Variants in TTC34 observed in about 807,000 individuals in gnomAD.
TTC34 encodes the protein tetratricopeptide repeat domain 34, also known as tetratricopeptide repeat protein 34.
In TTC34, 44 loss-of-function variants were observed where a neutral mutation model predicts 40.7. The ratio of observed to expected loss-of-function variants is 1.08; its 90% CI spans 0.85 to 1.39. The LOEUF (loss-of-function observed/expected upper bound fraction) is 1.39, where lower values mean the gene tolerates loss of function less well. Ranked by LOEUF, TTC34 falls within the 40% of genes most tolerant of loss-of-function variation. TTC34 has a pLI of 0.00. For missense variants in TTC34, 884 were observed against 838.0 expected, an observed-to-expected ratio of 1.05 and a Z score of -0.68; for synonymous variants, 422 against 398.6, an observed-to-expected ratio of 1.06 and a Z score of -0.70.
At chr1:2,654,651 ACC>A (rs1639276131) in intron 6 of TTC34, among the ~76,000 whole-genome samples, 65 of 146,862 alleles carry the variant, frequency 4.4e-4, no homozygotes, top group South Asian at 1.1e-3. Flanking sequence ...CAGCACCCAC[ACC>A]CCCAGGTGAG....
At chr1:2,683,917 C>T (rs1440863183) in intron 6 of TTC34, among the ~76,000 whole-genome samples, 1 of 140,810 alleles carries the variant, frequency 7.1e-6, no homozygotes, top group Admixed American at 7.0e-5. Context: ...CCCACACCTC[C>T]AGGTGAGCAT....
chr1:2,789,768 C>T, exon 3 of TTC34: 1 of 594,804 alleles, frequency 1.7e-6, no homozygotes, highest in South Asian at 3.4e-5. Flanking sequence ...CCGCACAGCG[C>T]GCGCACACAG....
At chr1:2,651,439 G>A (rs1342450954) in intron 6 of TTC34, among the ~76,000 whole-genome samples, 1 of 150,188 alleles carries the variant, frequency 6.7e-6, no homozygotes, top group Non-Finnish European at 1.5e-5. Context: ...CCCCACACAC[G>A]CAGGTAAGCA....
rs1181773971 is a variant in TTC34 at position 2,753,459 on chromosome 1, C to T, written c.2226+30150G>A. 3.5e-4 allele frequency among the ~76,000 whole-genome samples: 16 copies of T among 45,404 alleles called. 2 individuals carry two copies. The highest frequency in any genetic ancestry group is 1.4e-3 in the African/African-American group (16 of 11,112). The allele number at this position is 45,404 out of a possible 152,430, so 29.8% of individuals were successfully genotyped here. On this transcript the variant is annotated intron_variant, in intron 6 of 8. Coordinates refer to ENST00000401095, the Ensembl canonical transcript of TTC34. Reference sequence around the variant, plus strand: ...CAGCCTGGAACAGCAGCCTGCACCCCCAGGTGTGCACGTGACAGCTTGGAT... The same window carrying T: ...CAGCCTGGAACAGCAGCCTGCACCCTCAGGTGTGCACGTGACAGCTTGGAT...
intron 4 of TTC34, among the ~76,000 whole-genome samples, chr1:2,787,279 C>A (rs1046889966): frequency 4.6e-5 from 7 of 152,210 alleles, no homozygotes; most frequent in African/African-American, 1.4e-4. Flanking sequence ...TCCATGACAA[C>A]CCATGGGACC....
chr1:2,637,840 ACT>A (rs1192676624), exon 9 of TTC34: 1 of 152,074 alleles, frequency 6.6e-6, no homozygotes, highest in Non-Finnish European at 1.5e-5. Context: ...GCACAGTTTA[ACT>A]CTGAGTTGTG....
intron 6 of TTC34, among the ~76,000 whole-genome samples, chr1:2,687,164 C>A (rs1391097701): frequency 1.1e-3 from 160 of 143,272 alleles, no homozygotes; most frequent in Admixed American, 2.2e-3. Flanking sequence ...AGTACCCACA[C>A]ACACAGGCGA....
intron 6 of TTC34, among the ~76,000 whole-genome samples, chr1:2,780,730 G>C (rs1204068410): frequency 6.6e-6 from 1 of 152,104 alleles, no homozygotes; most frequent in East Asian, 1.9e-4. Context: ...GGTTGTTTTG[G>C]CTGTTTGGGG....
chr1:2,791,940 C>T (rs1386232831), intron 2 of TTC34, among the ~76,000 whole-genome samples: 1 of 149,820 alleles, frequency 6.7e-6, no homozygotes, highest in African/African-American at 2.5e-5. Flanking sequence ...AGTTCACCGA[C>T]CCTTCTACTG....
intron 6 of TTC34, among the ~76,000 whole-genome samples, chr1:2,686,627 T>A (rs539046621): frequency 4.6e-4 from 15 of 32,434 alleles, no homozygotes; most frequent in Admixed American, 2.6e-3. Context: ...TGACAGCATG[T>A]AACAGCACCC....
intron 6 of TTC34, among the ~76,000 whole-genome samples, chr1:2,646,774 C>T (rs539918227): frequency 6.6e-6 from 1 of 152,226 alleles, no homozygotes; most frequent in Non-Finnish European, 1.5e-5. Context: ...TCATTTCTTC[C>T]AGCAGAGAAT....
intron 6 of TTC34, chr1:2,775,050 T>C (rs1452357699): frequency 4.0e-5 from 5 of 125,866 alleles, no homozygotes; most frequent in African/African-American, 1.5e-4. Flanking sequence ...TCTGACCGCA[T>C]GGAATGGCAT....
At chr1:2,759,636 C>A (rs1294865262) in intron 6 of TTC34, among the ~76,000 whole-genome samples, 878 of 123,128 alleles carry the variant, frequency 7.1e-3, no homozygotes, top group Middle Eastern at 0.013. Flanking sequence ...ACAGCACCCA[C>A]ACCCCCAGGT....
chr1:2,654,269 AGCCTGG>A (rs1639260252), intron 6 of TTC34, among the ~76,000 whole-genome samples: 3 of 146,836 alleles, frequency 2.0e-5, no homozygotes, highest in East Asian at 2.1e-4. Context: ...AGCATCTGAC[AGCCTGG>A]AAAAGCACCC....
Position 2,645,202 on chromosome 1 carries a change from T to C in TTC34, c.2497+91A>G, listed in dbSNP as rs1356798053. The C allele has an allele frequency of 4.5e-6, 6 of 1,342,372 alleles. No individual in the cohort carries two copies. In the Admixed American group the frequency reaches 2.0e-4, roughly 44 times the overall value. The allele number at this position is 1,342,372 out of a possible 1,614,324, so 83.2% of individuals were successfully genotyped here. On this transcript the variant is annotated intron_variant, in intron 7 of 8. Coordinates refer to ENST00000401095, the Ensembl canonical transcript of TTC34. The surrounding 1 kb of genome is among the most constrained non-coding windows in gnomAD (Gnocchi z 4.7). ...GAAGCTGTTGTGGTCCGGGTCTCTT[T>C]CTTCCATTTTTACAGAACAGGATAC...
chr1:2,753,312 G>A (rs1208600109), intron 6 of TTC34, among the ~76,000 whole-genome samples: 648 of 119,732 alleles, frequency 5.4e-3, no homozygotes, highest in Admixed American at 8.7e-3. Context: ...GTGAGCATCC[G>A]ACAGCCTGGA....
intron 6 of TTC34, among the ~76,000 whole-genome samples, chr1:2,767,372 G>C (rs1641798131): frequency 1.0e-4 from 12 of 119,932 alleles, no homozygotes; most frequent in African/African-American, 2.2e-4. Flanking sequence ...TTCCAGGTGA[G>C]CATCCGACAG....
intron 6 of TTC34, among the ~76,000 whole-genome samples, chr1:2,782,940 G>A (rs955112766): frequency 6.6e-6 from 1 of 152,318 alleles, no homozygotes; most frequent in Non-Finnish European, 1.5e-5. Context: ...ATGCAGTGCA[G>A]TTGCAAGCAA....
At position 2,787,706 on chromosome 1, in the gene TTC34, C is replaced by G. The variant is rs577747452; in HGVS notation, c.1629G>C (p.Gly543=). The change falls in exon 4 of 9, where the codon GGG becomes GGC. Residue 543 remains glycine, a splice_region_variant and synonymous_variant. Coordinates refer to ENST00000401095, the Ensembl canonical transcript of TTC34. ...CCAGCTGGTGCACGCCGCAGGCGAC[C>G]CTGTGTGGAGATCAGCTCAGGGGGG... The G allele has an allele frequency of 1.2e-5, 19 of 1,538,052 alleles. No individual in the cohort carries two copies. In the African/African-American group the frequency reaches 2.2e-4, roughly 18 times the overall value.
Sources: allele counts gnomAD v4.1 joint callset (sites outside exome capture counted in the v4.1 genomes callset), GRCh38; gene constraint gnomAD v4.1.1; non-coding constraint Gnocchi (gnomAD v3.1); transcripts MANE v1.5; gene names NCBI Gene and HGNC (gene_info 2026-07-23, HGNC 2026-07-21).